Variants in PRDM5 observed in about 807,000 individuals in gnomAD.
PRDM5 encodes the protein PR/SET domain 5.
In PRDM5, 56 loss-of-function variants were observed where a neutral mutation model predicts 81.2. That is an observed-to-expected ratio of 0.69 (90% CI 0.56 to 0.86). PRDM5 has a LOEUF of 0.86. PRDM5 is among the 40% of genes least tolerant of loss of function. The pLI is 0.00. For missense variants in PRDM5, 697 were observed against 770.1 expected, an observed-to-expected ratio of 0.91 and a Z score of 1.12; for synonymous variants, 267 against 256.4, an observed-to-expected ratio of 1.04 and a Z score of -0.39.
chr4:120,706,381 G>A (rs1736147090), intron 15 of PRDM5, among the ~76,000 whole-genome samples: 1 of 152,112 alleles, frequency 6.6e-6, no homozygotes, highest in Non-Finnish European at 1.5e-5. Flanking sequence ...ATGACTTAGG[G>A]GAAAAGAGGT....
intron 14 of PRDM5, among the ~76,000 whole-genome samples, chr4:120,741,966 C>G (rs1180382733): frequency 6.6e-6 from 1 of 152,234 alleles, no homozygotes; most frequent in African/African-American, 2.4e-5. Flanking sequence ...GGCTCCACCT[C>G]TAGGGGCAGG....
At chr4:120,830,317 G>A (rs906691245) in intron 3 of PRDM5, among the ~76,000 whole-genome samples, 2 of 151,996 alleles carry the variant, frequency 1.3e-5, no homozygotes, top group African/African-American at 4.8e-5. Context: ...AGTGAACCAC[G>A]TCCAAGTGAA....
At chr4:120,884,627 G>A (rs914731854) in intron 2 of PRDM5, among the ~76,000 whole-genome samples, 1 of 152,228 alleles carries the variant, frequency 6.6e-6, no homozygotes, top group Non-Finnish European at 1.5e-5. Flanking sequence ...AAATATCTAA[G>A]AAAGAGTAAA....
chr4:120,789,496 T>C (rs1195464506), intron 10 of PRDM5, among the ~76,000 whole-genome samples: 1 of 152,180 alleles, frequency 6.6e-6, no homozygotes, highest in African/African-American at 2.4e-5. Flanking sequence ...TAAAACTACC[T>C]TAAAATTAGA....
Position 120,813,981 on chromosome 4 carries a change from C to T in PRDM5, c.865+2472G>A, listed in dbSNP as rs574570661. Among the ~76,000 whole-genome samples the T allele has an allele frequency of 7.2e-5, 11 of 152,296 alleles. No individual in the cohort carries two copies. In the South Asian group the frequency reaches 1.7e-3, roughly 23 times the overall value. On this transcript the variant is annotated intron_variant, in intron 7 of 15. Coordinates refer to ENST00000264808, the MANE Select transcript of PRDM5 (RefSeq NM_018699.4). ...CAGGTATCAAAGGGTATACATCAAA[C>T]CCTCATCCCCAATCTTCAGTCTTCT...
intron 2 of PRDM5, among the ~76,000 whole-genome samples, chr4:120,883,953 A>C (rs867461431): frequency 3.2e-4 from 48 of 152,336 alleles, no homozygotes; most frequent in Middle Eastern, 3.4e-3. Context: ...AAATATACTG[A>C]AAACTAATGA....
At chr4:120,837,265 C>T (rs946193554) in intron 3 of PRDM5, 3 of 152,182 alleles carry the variant, frequency 2.0e-5, no homozygotes, top group African/African-American at 7.2e-5. Flanking sequence ...TTGTATGATG[C>T]ATCAAAGTGA....
At chr4:120,917,633 A>G (rs1724345571) in intron 1 of PRDM5, among the ~76,000 whole-genome samples, 1 of 151,920 alleles carries the variant, frequency 6.6e-6, no homozygotes. Flanking sequence ...AGACCTGAAT[A>G]AATAAAAATT....
At chr4:120,781,018 T>C (rs1002064123) in intron 12 of PRDM5, 125 bp downstream of exon 12, 12 of 850,878 alleles carry the variant, frequency 1.4e-5, no homozygotes, top group Admixed American at 1.0e-4. Context: ...ATATAAATCA[T>C]GCATTTGTCA....
chr4:120,710,301 A>T lies in PRDM5; in HGVS notation c.1728+8T>A. Reference sequence around the variant, plus strand: ...AAGACACTATGGGGGAAAAAAATCCAAACTCACATCACACTGAAAAGGCTT... The same window carrying T: ...AAGACACTATGGGGGAAAAAAATCCTAACTCACATCACACTGAAAAGGCTT... On this transcript the variant is annotated splice_region_variant and intron_variant, in intron 15 of 15. Transcript: ENST00000264808. The T allele has an allele frequency of 6.2e-7, 1 of 1,613,290 alleles. No individual in the cohort carries two copies. Among genetic ancestry groups the T allele is most frequent in the Non-Finnish European group, 8.5e-7 (1 of 1,179,596 alleles).
rs1205745811 is a variant in PRDM5, at chr4:120,693,267, C to A, written c.*1844G>T. ...ATCACATAATCGGGATATAAAGCAT[C>A]CCATATAGAGAAAGCAGCATTCAAA... is the stretch of plus-strand genomic sequence containing the variant. On this transcript the variant is annotated 3_prime_UTR_variant, in exon 16 of 16. Coordinates refer to ENST00000264808, the MANE Select transcript of PRDM5 (RefSeq NM_018699.4). 6.6e-6 allele frequency: 1 copy of A among 152,008 alleles called. No homozygotes were observed. Among genetic ancestry groups the A allele is most frequent in the Non-Finnish European group, 1.5e-5 (1 of 67,974 alleles). The allele number at this position is 152,008 out of a possible 1,614,324, so 9.4% of individuals were successfully genotyped here.
At chr4:120,757,417 C>T (rs923130466) in intron 13 of PRDM5, among the ~76,000 whole-genome samples, 2 of 152,178 alleles carry the variant, frequency 1.3e-5, no homozygotes, top group Non-Finnish European at 2.9e-5. Context: ...CCAGATTCGT[C>T]TAAAGTAGTC....
intron 15 of PRDM5, 72 bp from the exon 16 acceptor site, chr4:120,695,347 C>T: frequency 6.6e-7 from 1 of 1,511,724 alleles, no homozygotes; most frequent in Non-Finnish European, 9.1e-7. Flanking sequence ...TTAACACTCA[C>T]ACTATTGGCA....
chr4:120,876,792 A>T (rs891471156), intron 2 of PRDM5, among the ~76,000 whole-genome samples: 7 of 152,186 alleles, frequency 4.6e-5, no homozygotes, highest in African/African-American at 1.7e-4. Context: ...TGCATGCAAA[A>T]TTTTAGAAAA....
chr4:120,695,789 C>A (rs1734454351), intron 15 of PRDM5, among the ~76,000 whole-genome samples: 1 of 151,962 alleles, frequency 6.6e-6, no homozygotes, highest in Non-Finnish European at 1.5e-5. Flanking sequence ...ATTAAACAGC[C>A]CCATAACTAA....
rs75436862 is a variant in PRDM5, at chr4:120,785,242, G to T, written c.1189-151C>A. On this transcript the variant is annotated intron_variant, in intron 10 of 15. Transcript: ENST00000264808. ...AGTGCCATTCTTCCACCGTAAAATT[G>T]TAAAGACAAATGTGCTGTGTTTGCA... The T allele has an allele frequency of 0.1, 68,850 of 657,312 alleles. 4,515 individuals are homozygous for T. The highest frequency in any genetic ancestry group is 0.14 in the Non-Finnish European group (49,875 of 367,326). 40.7% of individuals were successfully genotyped at this position (657,312 alleles called of 1,614,324 possible).
At chr4:120,852,629 C>T (rs976554448) in intron 3 of PRDM5, among the ~76,000 whole-genome samples, 4 of 152,088 alleles carry the variant, frequency 2.6e-5, no homozygotes, top group African/African-American at 9.6e-5. Context: ...CTCCTATAAT[C>T]ATTGTGAGGT....
chr4:120,818,691 AT>A (rs1366953373), intron 4 of PRDM5, among the ~76,000 whole-genome samples, 164 bp from the exon 5 acceptor site: 4 of 152,178 alleles, frequency 2.6e-5, no homozygotes, highest in South Asian at 4.1e-4. Flanking sequence ...CCACAAAAAA[AT>A]AATAGCAAGT....
chr4:120,816,961 C>G (rs1561362536), intron 5 of PRDM5, 37 bp from the exon 6 acceptor site: 1 of 1,509,530 alleles, frequency 6.6e-7, no homozygotes, highest in Non-Finnish European at 9.2e-7. Flanking sequence ...GAAAAGAAAA[C>G]AAAAACTGGA....
Sources: allele counts gnomAD v4.1 joint callset (sites outside exome capture counted in the v4.1 genomes callset), GRCh38; gene constraint gnomAD v4.1.1; transcripts MANE v1.5; gene names NCBI Gene and HGNC (gene_info 2026-07-23, HGNC 2026-07-21).